NR5A2: variants seen among roughly 807,000 people sequenced by gnomAD.
NR5A2 encodes CYP7A promoter-binding factor.
NR5A2 carries 26 observed loss-of-function variants against 62.7 expected under a neutral mutation model. The ratio of observed to expected loss-of-function variants is 0.41; its 90% CI spans 0.30 to 0.58. The LOEUF is 0.58. Among genes scored for constraint, NR5A2 ranks in the 20% least tolerant of loss-of-function variants. NR5A2 has a pLI of 0.22. For missense variants in NR5A2, 541 were observed against 669.1 expected (o/e 0.81, Z 2.11); for synonymous variants, 246 against 241.7 (o/e 1.02, Z -0.16).
chr1:200,067,706 CTG>C (rs1429176125), intron 5 of NR5A2, among the ~76,000 whole-genome samples: 4 of 152,128 alleles, frequency 2.6e-5, no homozygotes, highest in African/African-American at 9.7e-5. Context: ...ATAAAATAAT[CTG>C]TACAACAGAC....
chr1:200,117,217 G>A (rs1264188911), intron 6 of NR5A2, among the ~76,000 whole-genome samples: 1 of 152,192 alleles, frequency 6.6e-6, no homozygotes, highest in Non-Finnish European at 1.5e-5. Flanking sequence ...AACTGCTCCT[G>A]AAATGAGCAC....
At chr1:200,068,424 AACTT>A (rs1050565686) in intron 5 of NR5A2, among the ~76,000 whole-genome samples, 55 of 152,286 alleles carry the variant, frequency 3.6e-4, no homozygotes, top group African/African-American at 1.3e-3. Flanking sequence ...ACTACTTCGA[AACTT>A]ACTTAATTTA....
At chr1:200,041,367 G>A (rs1253978373) in intron 2 of NR5A2, among the ~76,000 whole-genome samples, 1 of 152,120 alleles carries the variant, frequency 6.6e-6, no homozygotes, top group Non-Finnish European at 1.5e-5. Flanking sequence ...CACTCACTCA[G>A]CCCATGGTTC....
At chr1:200,065,346 G>T (rs1663418721) in intron 5 of NR5A2, among the ~76,000 whole-genome samples, 1 of 151,856 alleles carries the variant, frequency 6.6e-6, no homozygotes, top group South Asian at 2.1e-4. Flanking sequence ...GTTTCACCAT[G>T]TTAGCCAGGC....
rs76416395 is a variant in NR5A2 at position 200,112,681 on chromosome 1, C to T, written c.1230+1360C>T. Among the ~76,000 whole-genome samples, 254 of 152,306 alleles carry T rather than the reference C, an allele frequency of 1.7e-3. 2 individuals are homozygous for T. Among genetic ancestry groups the T allele is most frequent in the East Asian group, 0.011 (55 of 5,180 alleles). The stretch of plus-strand genomic sequence containing the variant: ...CTATCTGCACCTCTCAGGAGAAAAG[C>T]GTTGCAGAGGAGAAAATAAAGTCTC... On this transcript the variant is annotated intron_variant, in intron 6 of 7. Transcript: ENST00000367362.
intron 2 of NR5A2, chr1:200,042,735 T>C: frequency 2.6e-6 from 2 of 782,504 alleles, no homozygotes; most frequent in Non-Finnish European, 3.1e-6. Context: ...CGCCCCGCGC[T>C]CCCATACTTG....
intron 4 of NR5A2, among the ~76,000 whole-genome samples, chr1:200,047,584 C>CTTTTTTT (rs3066613): frequency 0.16 from 22,973 of 147,994 alleles, 1,939 homozygotes; most frequent in African/African-American, 0.21. Context: ...TATTTCTTTT[C>CTTTTTTT]TTTTTTTTGA....
chr1:200,039,208 A>G lies in NR5A2; in HGVS notation c.65-450A>G, dbSNP rs1315906255. Among the ~76,000 whole-genome samples the G allele has an allele frequency of 1.3e-5, 2 of 151,776 alleles. No homozygotes were observed. The highest frequency in any genetic ancestry group is 2.4e-5 in the African/African-American group (1 of 41,296). Reference sequence around the variant, plus strand: ...GAGAGAGAAGGGAGGCGAGAGAAAGAGGAGAGAGACCCCTGCCGATCCTGA... The same window carrying G: ...GAGAGAGAAGGGAGGCGAGAGAAAGGGGAGAGAGACCCCTGCCGATCCTGA... On this transcript the variant is annotated intron_variant, in intron 1 of 7. Transcript: ENST00000367362. This position sits in a 1 kb window ranked among gnomAD's most constrained non-coding sequence, Gnocchi z 5.1.
At chr1:200,061,999 C>T (rs537462278) in intron 5 of NR5A2, among the ~76,000 whole-genome samples, 41 of 152,200 alleles carry the variant, frequency 2.7e-4, no homozygotes, top group African/African-American at 8.4e-4. Flanking sequence ...ACATAAAGGA[C>T]GGATACAGAT....
At chr1:200,049,965 C>T (rs1662549685) in intron 5 of NR5A2, among the ~76,000 whole-genome samples, 2 of 152,206 alleles carry the variant, frequency 1.3e-5, no homozygotes, top group Non-Finnish European at 2.9e-5. Flanking sequence ...AAAAAGTTAC[C>T]TGAACAGACC....
chr1:200,118,674 A>T (rs759330583), intron 6 of NR5A2, among the ~76,000 whole-genome samples: 1 of 152,214 alleles, frequency 6.6e-6, no homozygotes, highest in Non-Finnish European at 1.5e-5. Flanking sequence ...TATTATTATT[A>T]TCTGAAGTAG....
intron 1 of NR5A2, among the ~76,000 whole-genome samples, chr1:200,032,924 CAG>C (rs1395298923): frequency 6.6e-6 from 1 of 152,210 alleles, no homozygotes; most frequent in Non-Finnish European, 1.5e-5. Context: ...TTGGTCTATG[CAG>C]ACTTTCCTCC....
chr1:200,073,743 GT>G (rs774423555), intron 5 of NR5A2, among the ~76,000 whole-genome samples: 14 of 151,860 alleles, frequency 9.2e-5, no homozygotes, highest in Non-Finnish European at 1.9e-4. Flanking sequence ...CTGAGCCACA[GT>G]TTCTTGATTA....
chr1:200,149,733 C>A (rs188994446), intron 7 of NR5A2, among the ~76,000 whole-genome samples: 145 of 152,242 alleles, frequency 9.5e-4, no homozygotes, highest in Admixed American at 2.6e-3. Flanking sequence ...ATTGTGGGCT[C>A]CTCATCAACA....
At chr1:200,123,030 G>T (rs1256030158) in intron 7 of NR5A2, among the ~76,000 whole-genome samples, 1 of 152,124 alleles carries the variant, frequency 6.6e-6, no homozygotes, top group Non-Finnish European at 1.5e-5. Context: ...GTGATTAAGG[G>T]TGAAATCATA....
chr1:200,137,872 G>A (rs1667296241), intron 7 of NR5A2, among the ~76,000 whole-genome samples: 1 of 152,066 alleles, frequency 6.6e-6, no homozygotes, highest in South Asian at 2.1e-4. Context: ...ATTTGTCCAG[G>A]ACAGCCCATA....
intron 6 of NR5A2, among the ~76,000 whole-genome samples, chr1:200,118,798 C>T (rs3790806): frequency 0.43 from 64,866 of 152,162 alleles, 14,008 homozygotes; most frequent in Admixed American, 0.45. Context: ...ATAGTTGAGA[C>T]GTCACTTTGT....
intron 7 of NR5A2, among the ~76,000 whole-genome samples, chr1:200,171,416 G>T (rs1031993398): frequency 1.3e-5 from 2 of 152,020 alleles, no homozygotes; most frequent in African/African-American, 4.8e-5. Flanking sequence ...CCCAAGTTTT[G>T]GGGGAAAAGG....
intron 7 of NR5A2, among the ~76,000 whole-genome samples, chr1:200,136,404 T>A (rs1309651136): frequency 6.6e-6 from 1 of 152,190 alleles, no homozygotes; most frequent in East Asian, 1.9e-4. Context: ...TAAAAAACAA[T>A]ACTCAGTATG....
Sources: gnomAD v4.1 joint callset for allele counts (sites outside exome capture counted in the v4.1 genomes callset) on GRCh38, gnomAD v4.1.1 for gene constraint, Gnocchi (gnomAD v3.1) non-coding constraint, MANE v1.5 for transcripts, NCBI Gene and HGNC (gene_info 2026-07-23, HGNC 2026-07-21) for gene names.